SLC7A14: variants seen among roughly 807,000 people sequenced by gnomAD.
The protein encoded by SLC7A14 is solute carrier family 7 member 14.
In SLC7A14, 37 loss-of-function variants were observed where a neutral mutation model predicts 60.2. The observed-to-expected ratio is 0.61, with a 90% CI of 0.47 to 0.81. SLC7A14 has a LOEUF of 0.81. SLC7A14 is among the 30% of genes least tolerant of loss of function. The pLI is 0.00. For missense variants in SLC7A14, 886 were observed against 982.7 expected, an observed-to-expected ratio of 0.90 and a Z score of 1.32; for synonymous variants, 399 against 395.8, an observed-to-expected ratio of 1.01 and a Z score of -0.10.
intron 1 of SLC7A14, among the ~76,000 whole-genome samples, chr3:170,581,596 A>G (rs1209628676): frequency 3.3e-5 from 5 of 152,186 alleles, no homozygotes; most frequent in African/African-American, 1.2e-4. Flanking sequence ...ATGACCACAA[A>G]GGCAAAAATA....
intron 4 of SLC7A14, among the ~76,000 whole-genome samples, chr3:170,489,747 AC>A (rs1176111058): frequency 6.6e-6 from 1 of 152,276 alleles, no homozygotes; most frequent in Non-Finnish European, 1.5e-5. Context: ...ACAATTGAGT[AC>A]TATGCAGCCA....
chr3:170,560,972 A>ACTTATGGTAACACATAGCAGAAAAGACAC (rs1714630456), intron 1 of SLC7A14, among the ~76,000 whole-genome samples: 1 of 152,178 alleles, frequency 6.6e-6, no homozygotes, highest in South Asian at 2.1e-4. Flanking sequence ...AACCATGTGT[A>ACTTATGGTAACACATAGCAGAAAAGACAC]CTTATGGTAA....
intron 4 of SLC7A14, among the ~76,000 whole-genome samples, chr3:170,497,592 C>T (rs754812556): frequency 1.2e-4 from 19 of 152,190 alleles, no homozygotes; most frequent in Non-Finnish European, 2.4e-4. Flanking sequence ...TTGCCTCTCT[C>T]GACCTTAGGT....
chr3:170,526,850 G>A lies in SLC7A14; in HGVS notation c.87C>T (p.Thr29=), dbSNP rs1403770464. ...CCTCTAGCATGGACTCCACTGGTTTGGTGCGTAGGATCCTGGAGTGCATTG... is the reference window on the plus strand; with the variant it reads ...CCTCTAGCATGGACTCCACTGGTTTAGTGCGTAGGATCCTGGAGTGCATTG... ...WYAMHSRILR[T]KPVESMLEGT... The change falls in exon 2 of 8, where the codon ACC becomes ACT. Residue 29 remains threonine, a synonymous_variant. Transcript: ENST00000231706. The A allele has an allele frequency of 6.2e-7, 1 of 1,614,116 alleles. No homozygotes were observed.
chr3:170,538,729 C>T (rs1713923791), intron 1 of SLC7A14, among the ~76,000 whole-genome samples: 1 of 152,152 alleles, frequency 6.6e-6, no homozygotes, highest in African/African-American at 2.4e-5. Context: ...AAAAGATAGC[C>T]CCTGCCCTCC....
rs955061862 is a variant in SLC7A14 at position 170,570,166 on chromosome 3, A to C, written c.-153+15745T>G. ...GAGGAGAAAATCACCTTAAAAGTCC[A>C]AATAGTAGGCCAGACACAGTGGTTC... On this transcript the variant is annotated intron_variant, in intron 1 of 7. Transcript: ENST00000231706. 5 of 152,214 alleles carry C rather than the reference A, an allele frequency of 3.3e-5. No individual in the cohort carries two copies. In the East Asian group the frequency reaches 9.6e-4, roughly 29 times the overall value. 9.4% of individuals were successfully genotyped at this position (152,214 alleles called of 1,614,324 possible). A position where few individuals can be genotyped will look rare whatever the true frequency, so the allele number is the denominator to read the frequency against.
chr3:170,559,379 G>C (rs1419087461), intron 1 of SLC7A14, among the ~76,000 whole-genome samples: 1 of 152,052 alleles, frequency 6.6e-6, no homozygotes, highest in African/African-American at 2.4e-5. Context: ...TAAAGATTTT[G>C]TTACTATAAA....
At chr3:170,573,479 A>C (rs1205066040) in intron 1 of SLC7A14, among the ~76,000 whole-genome samples, 1 of 152,240 alleles carries the variant, frequency 6.6e-6, no homozygotes, top group Non-Finnish European at 1.5e-5. Context: ...ATCTATCTTC[A>C]TTGCCTTAGC....
chr3:170,555,167 C>CAA (rs201341261), intron 1 of SLC7A14, among the ~76,000 whole-genome samples: 4,380 of 147,878 alleles, frequency 0.03, 186 homozygotes, highest in African/African-American at 0.096. Flanking sequence ...GACTTTGTCT[C>CAA]AAAAAAAATA....
intron 1 of SLC7A14, among the ~76,000 whole-genome samples, chr3:170,549,623 T>C (rs952579925): frequency 6.6e-6 from 1 of 152,206 alleles, no homozygotes; most frequent in African/African-American, 2.4e-5. Context: ...GTGACACTTA[T>C]GACCGCAGAA....
chr3:170,540,063 G>A (rs1303307173), intron 1 of SLC7A14, among the ~76,000 whole-genome samples: 1 of 152,112 alleles, frequency 6.6e-6, no homozygotes, highest in Non-Finnish European at 1.5e-5. Flanking sequence ...GGCGGGGTGG[G>A]GGGTAGTACA....
rs1711889583 is a variant in SLC7A14 at position 170,483,167 on chromosome 3, C to T, written c.1115+147G>A. On this transcript the variant is annotated intron_variant, in intron 6 of 7. Transcript: ENST00000231706. Reference sequence around the variant, plus strand: ...GCTTCAGGGCCTGAGCTCTGTTACTCAGACTTTTCTTCAGGATACATAACA... The same window carrying T: ...GCTTCAGGGCCTGAGCTCTGTTACTTAGACTTTTCTTCAGGATACATAACA... The T allele has an allele frequency of 5.4e-6, 5 of 921,458 alleles. No individual in the cohort carries two copies. In the East Asian group the frequency reaches 7.7e-5, roughly 14 times the overall value. The allele number at this position is 921,458 out of a possible 1,614,324, so 57.1% of individuals were successfully genotyped here. A position where few individuals can be genotyped will look rare whatever the true frequency, so the allele number is the denominator to read the frequency against.
chr3:170,576,266 C>T (rs1032256689), intron 1 of SLC7A14, among the ~76,000 whole-genome samples: 2 of 152,170 alleles, frequency 1.3e-5, no homozygotes, highest in Admixed American at 1.3e-4. Context: ...GATTATGTCT[C>T]ATATCCAGTG....
intron 7 of SLC7A14, among the ~76,000 whole-genome samples, chr3:170,469,615 T>A (rs375880017): frequency 6.6e-6 from 1 of 152,160 alleles, no homozygotes; most frequent in East Asian, 1.9e-4. Context: ...GTCTGAAGCA[T>A]GTTTGGCATC....
intron 1 of SLC7A14, among the ~76,000 whole-genome samples, chr3:170,529,540 C>T (rs1404008551): frequency 2.6e-5 from 4 of 152,134 alleles, no homozygotes; most frequent in Non-Finnish European, 5.9e-5. Context: ...ATGAGACATT[C>T]AAAGTCCTGC....
intron 2 of SLC7A14, among the ~76,000 whole-genome samples, chr3:170,508,646 G>A (rs554790946): frequency 6.6e-6 from 1 of 152,318 alleles, no homozygotes; most frequent in African/African-American, 2.4e-5. Context: ...CTGTAAGAAA[G>A]TCCTCACCAA....
intron 7 of SLC7A14, among the ~76,000 whole-genome samples, chr3:170,467,956 C>T (rs1739768870): frequency 6.6e-6 from 1 of 152,168 alleles, no homozygotes; most frequent in African/African-American, 2.4e-5. Context: ...TCACTAAAGG[C>T]GTGATATATC....
chr3:170,572,437 CTAT>C (rs1366176486), intron 1 of SLC7A14, among the ~76,000 whole-genome samples: 1 of 152,112 alleles, frequency 6.6e-6, no homozygotes, highest in Non-Finnish European at 1.5e-5. Context: ...GTGATTGCTA[CTAT>C]TATTATAAGT....
rs904247981 is a variant in SLC7A14, at chr3:170,585,286, G to T, written c.-153+625C>A. Among the ~76,000 whole-genome samples, 3 of 152,092 alleles carry T rather than the reference G, an allele frequency of 2.0e-5. No homozygotes were observed. Among genetic ancestry groups the T allele is most frequent in the African/African-American group, 7.2e-5 (3 of 41,434 alleles). On this transcript the variant is annotated intron_variant, in intron 1 of 7. Coordinates refer to ENST00000231706, the MANE Select transcript of SLC7A14 (RefSeq NM_020949.3). This position sits in a 1 kb window ranked among gnomAD's most constrained non-coding sequence, Gnocchi z 5.1. The stretch of plus-strand genomic sequence containing the variant: ...CCGTCACGTCCTCTTCGCCGCTCCC[G>T]GGAGAGTCACCACTCTCCGGGGACA...
Sources: allele counts gnomAD v4.1 joint callset (sites outside exome capture counted in the v4.1 genomes callset), GRCh38; gene constraint gnomAD v4.1.1; non-coding constraint Gnocchi (gnomAD v3.1); transcripts MANE v1.5; gene names NCBI Gene and HGNC (gene_info 2026-07-23, HGNC 2026-07-21).